TSPAN3: variants seen among roughly 807,000 people sequenced by gnomAD.
TSPAN3 encodes the protein tetraspanin-3.
Under a neutral mutation model 31.1 loss-of-function variants are expected in TSPAN3, and 9 were observed. That is an observed-to-expected ratio of 0.29 (90% CI 0.17 to 0.50). The LOEUF (loss-of-function observed/expected upper bound fraction) is 0.50. TSPAN3 is among the 20% of genes least tolerant of loss of function. The probability of loss-of-function intolerance (pLI) is 0.98; values close to 1 mark genes in which losing one functional copy is unlikely to be tolerated. For synonymous variants in TSPAN3, 129 were observed against 114.3 expected (o/e 1.13, Z -0.82); for missense variants, 252 against 313.5 (o/e 0.80, Z 1.48).
Position 77,055,674 on chromosome 15 carries a change from T to G in TSPAN3, c.330+115A>C, listed in dbSNP as rs551243802. On this transcript the variant is annotated intron_variant, in intron 3 of 6. Transcript: ENST00000267970. ...AACTTTAGATATTTGAAATACAGATTAAACAAGTAAGGCAAAAGAAAATGT... is the reference window on the plus strand; with the variant it reads ...AACTTTAGATATTTGAAATACAGATGAAACAAGTAAGGCAAAAGAAAATGT... 7.4e-6 allele frequency: 6 copies of G among 809,150 alleles called. No homozygotes were observed. In the African/African-American group the frequency reaches 1.0e-4, roughly 14 times the overall value. The allele number at this position is 809,150 out of a possible 1,614,324, so 50.1% of individuals were successfully genotyped here. A position where few individuals can be genotyped will look rare whatever the true frequency, so the allele number is the denominator to read the frequency against.
intron 6 of TSPAN3, among the ~76,000 whole-genome samples, chr15:77,049,784 C>T (rs1169634975): frequency 6.6e-6 from 1 of 152,110 alleles, no homozygotes; most frequent in African/African-American, 2.4e-5. Context: ...ATATTTTAGG[C>T]TTTCCAAACC....
chr15:77,061,234 T>C (rs2152697182), intron 1 of TSPAN3, among the ~76,000 whole-genome samples: 1 of 152,206 alleles, frequency 6.6e-6, no homozygotes, highest in South Asian at 2.1e-4. Context: ...GTAGATAAAA[T>C]GTTAAAATCT....
At chr15:77,057,483 A>G (rs141611359) in intron 1 of TSPAN3, among the ~76,000 whole-genome samples, 1 of 152,348 alleles carries the variant, frequency 6.6e-6, no homozygotes, top group African/African-American at 2.4e-5. Flanking sequence ...GGCCATTAGG[A>G]TCACTGTCAG....
At chr15:77,060,132 C>G (rs999117840) in intron 1 of TSPAN3, among the ~76,000 whole-genome samples, 3 of 152,114 alleles carry the variant, frequency 2.0e-5, no homozygotes, top group Non-Finnish European at 4.4e-5. Flanking sequence ...CCAAGTCACA[C>G]AACAAGATGA....
intron 1 of TSPAN3, among the ~76,000 whole-genome samples, chr15:77,069,367 G>A (rs1182117617): frequency 2.0e-5 from 3 of 152,280 alleles, no homozygotes; most frequent in African/African-American, 7.2e-5. Context: ...TCTACAAAGA[G>A]AAGACTGATA....
intron 1 of TSPAN3, among the ~76,000 whole-genome samples, 178 bp downstream of exon 1, chr15:77,070,714 C>G (rs2076863398): frequency 6.6e-6 from 1 of 151,478 alleles, no homozygotes; most frequent in South Asian, 2.1e-4. Flanking sequence ...CCGGCTTGGT[C>G]CGGCAGGGAC....
At chr15:77,050,173 C>G (rs913674051) in intron 6 of TSPAN3, among the ~76,000 whole-genome samples, 1 of 152,184 alleles carries the variant, frequency 6.6e-6, no homozygotes, top group Non-Finnish European at 1.5e-5. Context: ...ACACCCAGGG[C>G]ACCAATCTAT....
intron 1 of TSPAN3, among the ~76,000 whole-genome samples, chr15:77,066,910 C>T (rs745747937): frequency 9.2e-5 from 14 of 152,042 alleles, no homozygotes; most frequent in Admixed American, 2.6e-4. Flanking sequence ...GTCAAGGGGC[C>T]GTAGCTGGTC....
At chr15:77,057,952 T>C (rs923702690) in intron 1 of TSPAN3, among the ~76,000 whole-genome samples, 4 of 152,204 alleles carry the variant, frequency 2.6e-5, no homozygotes, top group East Asian at 1.9e-4. Context: ...ATTCCTATCA[T>C]AGCAAAAGGT....
intron 6 of TSPAN3, among the ~76,000 whole-genome samples, chr15:77,051,556 A>C (rs2076731090): frequency 6.6e-6 from 1 of 151,692 alleles, no homozygotes; most frequent in Non-Finnish European, 1.5e-5. Context: ...AAGAAAAGAA[A>C]AGAAAGCATA....
chr15:77,066,467 G>A (rs2076833617), intron 1 of TSPAN3, among the ~76,000 whole-genome samples: 1 of 151,498 alleles, frequency 6.6e-6, no homozygotes, highest in African/African-American at 2.4e-5. Context: ...AGCTACTCGG[G>A]AGGCTGAGGC....
intron 6 of TSPAN3, among the ~76,000 whole-genome samples, chr15:77,051,578 G>A (rs2152695443): frequency 6.6e-6 from 1 of 151,916 alleles, no homozygotes; most frequent in African/African-American, 2.4e-5. Flanking sequence ...GCTGGGTGCG[G>A]TGGCTCACGC....
chr15:77,052,756 A>T, intron 5 of TSPAN3, 21 bp downstream of exon 5: 1 of 1,608,908 alleles, frequency 6.2e-7, no homozygotes, highest in Non-Finnish European at 8.5e-7. Flanking sequence ...GCTAGACTCA[A>T]GTCGTGGCCA....
At chr15:77,052,595 G>T in intron 5 of TSPAN3, 127 bp from the exon 6 acceptor site, 2 of 1,133,206 alleles carry the variant, frequency 1.8e-6, no homozygotes, top group Non-Finnish European at 2.6e-6. Flanking sequence ...AAGATTCCAT[G>T]ATTGGTATAA....
intron 1 of TSPAN3, among the ~76,000 whole-genome samples, chr15:77,069,268 T>C (rs1049531743): frequency 6.6e-6 from 1 of 152,152 alleles, no homozygotes; most frequent in Non-Finnish European, 1.5e-5. Flanking sequence ...AAAAATGTTA[T>C]GGATGCATAA....
At position 77,045,033 on chromosome 15, in the gene TSPAN3, C is replaced by A. The variant is rs914546262; in HGVS notation, c.*1802G>T. 6.6e-6 allele frequency: 1 copy of A among 152,142 alleles called. No homozygotes were observed. Among genetic ancestry groups the A allele is most frequent in the African/African-American group, 2.4e-5 (1 of 41,408 alleles). 9.4% of individuals were successfully genotyped at this position (152,142 alleles called of 1,614,324 possible). A position where few individuals can be genotyped will look rare whatever the true frequency, so the allele number is the denominator to read the frequency against. On this transcript the variant is annotated 3_prime_UTR_variant, in exon 7 of 7. Transcript: ENST00000267970. ...GAGTTAGTTTTTACTCCTCTCCTTT[C>A]CCGTGTCTTCTCCATTTTCAGGTGG...
At chr15:77,058,439 A>C (rs1208936817) in intron 1 of TSPAN3, among the ~76,000 whole-genome samples, 1 of 152,234 alleles carries the variant, frequency 6.6e-6, no homozygotes, top group East Asian at 1.9e-4. Flanking sequence ...CTTGTCGCTC[A>C]TTAAGATGAA....
intron 1 of TSPAN3, among the ~76,000 whole-genome samples, chr15:77,060,881 G>C (rs574451103): frequency 6.6e-6 from 1 of 152,200 alleles, no homozygotes; most frequent in South Asian, 2.1e-4. Flanking sequence ...TAGGCAAAAG[G>C]CTGAGGTCTG....
intron 1 of TSPAN3, among the ~76,000 whole-genome samples, chr15:77,065,502 C>G (rs1037473378): frequency 6.6e-6 from 1 of 152,166 alleles, no homozygotes; most frequent in African/African-American, 2.4e-5. Flanking sequence ...TCGCCGCTCA[C>G]TACAAGCTCC....
Sources: allele counts gnomAD v4.1 joint callset (sites outside exome capture counted in the v4.1 genomes callset), GRCh38; gene constraint gnomAD v4.1.1; transcripts MANE v1.5; gene names NCBI Gene and HGNC (gene_info 2026-07-23, HGNC 2026-07-21).